The following MTMR2 variants were observed in gnomAD, a reference collection of about 807,000 sequenced individuals.
MTMR2 encodes the protein phosphatidylinositol-3,5-bisphosphate 3-phosphatase MTMR2.
In MTMR2, 55 loss-of-function variants were observed where a neutral mutation model predicts 86.9. The ratio of observed to expected loss-of-function variants is 0.63; its 90% CI spans 0.51 to 0.79. The LOEUF (loss-of-function observed/expected upper bound fraction) is 0.79, where lower values mean the gene tolerates loss of function less well. Ranked by LOEUF, MTMR2 falls within the 30% of genes least tolerant of loss-of-function variation. MTMR2 has a pLI of 0.00. For synonymous variants in MTMR2, 241 were observed against 266.8 expected (o/e 0.90, Z 0.94); for missense variants, 659 against 772.3 (o/e 0.85, Z 1.74).
chr11:95,857,481 G>C (rs369593746), intron 7 of MTMR2, 71 bp downstream of exon 7: 2 of 1,084,424 alleles, frequency 1.8e-6, no homozygotes, highest in Admixed American at 1.8e-5. Context: ...TTTCGTACAT[G>C]GTTCCACCCA....
intron 2 of MTMR2, among the ~76,000 whole-genome samples, chr11:95,887,162 G>C (rs1865541591): frequency 6.6e-6 from 1 of 152,152 alleles, no homozygotes; most frequent in African/African-American, 2.4e-5. Context: ...GGATGAAAAA[G>C]ATATAAGTAT....
At chr11:95,847,934 T>TA in intron 9 of MTMR2, 35 bp from the exon 10 acceptor site, 1 of 1,566,972 alleles carries the variant, frequency 6.4e-7, no homozygotes, top group East Asian at 2.2e-5. Context: ...AAATCATAAA[T>TA]GAATGCACAT....
intron 1 of MTMR2, among the ~76,000 whole-genome samples, chr11:95,922,331 T>C (rs1474521654): frequency 6.6e-6 from 1 of 152,230 alleles, no homozygotes; most frequent in African/African-American, 2.4e-5. Context: ...ACTGGTTGCC[T>C]CTTATGCTAT....
At chr11:95,848,463 A>G (rs1190334997) in intron 9 of MTMR2, among the ~76,000 whole-genome samples, 2 of 152,228 alleles carry the variant, frequency 1.3e-5, no homozygotes, top group African/African-American at 4.8e-5. Context: ...TGCTATCATC[A>G]TCAATGTTCT....
intron 1 of MTMR2, among the ~76,000 whole-genome samples, chr11:95,909,707 G>A (rs1381749960): frequency 1.3e-5 from 2 of 151,790 alleles, no homozygotes; most frequent in African/African-American, 4.8e-5. Context: ...CTAAATACTG[G>A]GGATAGAGTT....
intron 1 of MTMR2, chr11:95,912,983 T>A (rs143390789): frequency 6.6e-6 from 1 of 152,132 alleles, no homozygotes; most frequent in Non-Finnish European, 1.5e-5. Context: ...TTCGTAAGCA[T>A]GAAACTTAAA....
At chr11:95,835,511 C>A in intron 14 of MTMR2, 60 bp from the exon 15 acceptor site, 1 of 1,544,344 alleles carries the variant, frequency 6.5e-7, no homozygotes, top group South Asian at 1.1e-5. Context: ...CAGGTCAAAT[C>A]ATTCCCTAAA....
chr11:95,874,854 G>A (rs905347788), intron 2 of MTMR2, among the ~76,000 whole-genome samples: 32 of 151,974 alleles, frequency 2.1e-4, no homozygotes, highest in African/African-American at 6.5e-4. Flanking sequence ...TTCACTTATG[G>A]AGCTTAGTTT....
chr11:95,913,697 T>C (rs1238166331), intron 1 of MTMR2, among the ~76,000 whole-genome samples: 1 of 151,782 alleles, frequency 6.6e-6, no homozygotes, highest in Non-Finnish European at 1.5e-5. Flanking sequence ...TCTAGCACAG[T>C]GTGTAAGGCA....
At position 95,857,535 on chromosome 11, in the gene MTMR2, G is replaced by T; in HGVS notation, c.654+17C>A. 6.4e-7 allele frequency: 1 copy of T among 1,550,654 alleles called. No individual in the cohort carries two copies. On this transcript the variant is annotated intron_variant, in intron 7 of 14. Transcript: ENST00000346299. ...AGAATACAAAATACTAAAATTGAAA[G>T]AGAAGAAAGTACATACCTGCCTTCT... is the stretch of plus-strand genomic sequence containing the variant.
Position 95,833,679 on chromosome 11 carries a change from A to C in MTMR2, c.*1611T>G, listed in dbSNP as rs1863125386. 6.6e-6 allele frequency: 1 copy of C among 152,142 alleles called. No individual in the cohort carries two copies. The highest frequency in any genetic ancestry group is 6.6e-5 in the Admixed American group (1 of 15,258). The allele number at this position is 152,142 out of a possible 1,614,324, so 9.4% of individuals were successfully genotyped here. Reference sequence around the variant, plus strand: ...ATTCTACATTCTTTTATGTGGTATCAGGCCAAGATAACCAAGGTTTAAATG... The same window carrying C: ...ATTCTACATTCTTTTATGTGGTATCCGGCCAAGATAACCAAGGTTTAAATG... On this transcript the variant is annotated 3_prime_UTR_variant, in exon 15 of 15. Coordinates refer to ENST00000346299, the MANE Select transcript of MTMR2 (RefSeq NM_016156.6).
chr11:95,884,252 G>A lies in MTMR2; in HGVS notation c.186+3904C>T, dbSNP rs116762247. ...TCATCAATTTAAAAAATTGAGAGAG[G>A]AAATCAAATTTTATTATAAAACTCT... On this transcript the variant is annotated intron_variant, in intron 2 of 14. Transcript: ENST00000346299. 3.4e-3 allele frequency among the ~76,000 whole-genome samples: 525 copies of A among 152,230 alleles called. 4 individuals carry two copies. The highest frequency in any genetic ancestry group is 0.012 in the African/African-American group (505 of 41,536).
At position 95,862,060 on chromosome 11, in the gene MTMR2, T is replaced by C; in HGVS notation, c.400A>G (p.Arg134Gly). Residue 134 changes from arginine to glycine, a missense_variant, in exon 5 of 15, where the codon AGA becomes GGA. Arg to Gly is a moderately radical substitution (Grantham distance 125, BLOSUM62 -2). This residue lies in a region of MTMR2 where 387 missense variants were observed against 526.3 expected (regional missense o/e 0.74). Coordinates refer to ENST00000346299, the MANE Select transcript of MTMR2 (RefSeq NM_016156.6). ...VLDASLGVIN[R>G]VEKIGGASSR... ...GAAGCACCACCAATTTTTTCTACTC[T>C]ATTTATCACACCAAGGGAAGCATCT... 1 of 1,613,982 alleles carries C rather than the reference T, an allele frequency of 6.2e-7. No homozygotes were observed. Among genetic ancestry groups the C allele is most frequent in the Non-Finnish European group, 8.5e-7 (1 of 1,179,940 alleles).
intron 5 of MTMR2, 49 bp from the exon 6 acceptor site, chr11:95,858,681 A>C (rs1864300082): frequency 8.6e-7 from 1 of 1,164,096 alleles, no homozygotes; most frequent in East Asian, 2.3e-5. Flanking sequence ...TACTTACTTA[A>C]ATGAATAAAT....
chr11:95,860,230 A>C (rs1864358556), intron 5 of MTMR2, among the ~76,000 whole-genome samples: 1 of 152,168 alleles, frequency 6.6e-6, no homozygotes, highest in African/African-American at 2.4e-5. Flanking sequence ...GGCCAGGCAC[A>C]GTGGCTCACA....
intron 11 of MTMR2, among the ~76,000 whole-genome samples, chr11:95,842,580 A>C (rs1863593077): frequency 6.6e-6 from 1 of 152,216 alleles, no homozygotes; most frequent in African/African-American, 2.4e-5. Flanking sequence ...ATAACTGAAA[A>C]CAGAATCCTG....
chr11:95,846,035 T>G (rs1863777030), intron 10 of MTMR2, among the ~76,000 whole-genome samples: 1 of 152,120 alleles, frequency 6.6e-6, no homozygotes, highest in Non-Finnish European at 1.5e-5. Context: ...AACCTCCCCT[T>G]GATCACAGCT....
chr11:95,896,685 G>A (rs998112682), intron 1 of MTMR2, among the ~76,000 whole-genome samples: 2 of 152,090 alleles, frequency 1.3e-5, no homozygotes, highest in Non-Finnish European at 2.9e-5. Flanking sequence ...GCCATCACTA[G>A]AACATGCAAG....
intron 1 of MTMR2, among the ~76,000 whole-genome samples, chr11:95,894,843 C>T (rs1248421374): frequency 5.3e-5 from 8 of 152,070 alleles, no homozygotes; most frequent in Admixed American, 4.6e-4. Context: ...ATGATTACAT[C>T]ACCAATAATA....
Sources: gnomAD v4.1 joint callset for allele counts (sites outside exome capture counted in the v4.1 genomes callset) on GRCh38, gnomAD v4.1.1 for gene constraint, gnomAD v4.1.1 regional missense constraint, MANE v1.5 for transcripts, NCBI Gene and HGNC (gene_info 2026-07-23, HGNC 2026-07-21) for gene names.